The following ZNRF2 variants were observed in gnomAD, a reference collection of about 807,000 sequenced individuals.
ZNRF2 encodes zinc and ring finger 2, also known as E3 ubiquitin-protein ligase ZNRF2.
Under a neutral mutation model 20.4 loss-of-function variants are expected in ZNRF2, and 16 were observed. The observed-to-expected ratio is 0.79, with a 90% confidence interval of 0.53 to 1.19. The LOEUF (loss-of-function observed/expected upper bound fraction) is 1.19. Ranked by LOEUF, ZNRF2 falls within the 50% of genes most tolerant of loss-of-function variation. ZNRF2 has a pLI of 0.00. For synonymous variants in ZNRF2, 178 were observed against 144.9 expected (o/e 1.23, Z -1.64); for missense variants, 363 against 332.4 (o/e 1.09, Z -0.72).
intron 1 of ZNRF2, among the ~76,000 whole-genome samples, chr7:30,299,493 A>T (rs572239555): frequency 6.6e-6 from 1 of 151,710 alleles, no homozygotes; most frequent in Non-Finnish European, 1.5e-5. Flanking sequence ...AACATGTTCA[A>T]TTAGTCCTCT....
intron 2 of ZNRF2, among the ~76,000 whole-genome samples, chr7:30,326,346 T>C (rs1799551664): frequency 6.6e-6 from 1 of 152,204 alleles, no homozygotes; most frequent in Non-Finnish European, 1.5e-5. Context: ...GTCCATGTGC[T>C]CTCATCATTT....
At chr7:30,328,092 T>C (rs1029092319) in intron 2 of ZNRF2, among the ~76,000 whole-genome samples, 17 of 152,208 alleles carry the variant, frequency 1.1e-4, no homozygotes, top group Non-Finnish European at 1.0e-4. Context: ...TAATGTACTT[T>C]CCTATCATAG....
At chr7:30,302,291 G>A (rs1047161237) in intron 1 of ZNRF2, among the ~76,000 whole-genome samples, 1 of 152,174 alleles carries the variant, frequency 6.6e-6, no homozygotes, top group Non-Finnish European at 1.5e-5. Flanking sequence ...TTAAAATTGA[G>A]CATAGAGGAA....
At chr7:30,332,140 A>G (rs1016563573) in intron 2 of ZNRF2, among the ~76,000 whole-genome samples, 2 of 152,174 alleles carry the variant, frequency 1.3e-5, no homozygotes, top group Non-Finnish European at 2.9e-5. Context: ...CTGTCACTTA[A>G]TAGGAGTGTA....
At chr7:30,355,008 A>G (rs1232832380) in intron 2 of ZNRF2, among the ~76,000 whole-genome samples, 1 of 152,162 alleles carries the variant, frequency 6.6e-6, no homozygotes, top group Non-Finnish European at 1.5e-5. Context: ...TTTGCATTAT[A>G]AAGAGATTTA....
intron 1 of ZNRF2, among the ~76,000 whole-genome samples, chr7:30,315,890 A>G (rs563678530): frequency 1.6e-4 from 25 of 152,278 alleles, no homozygotes; most frequent in African/African-American, 5.3e-4. Context: ...GTGTCATGAG[A>G]GGCACACTAA....
In ZNRF2 at chr7:30,301,576, A is replaced by G. The variant is rs1284564259; in HGVS notation, c.469+15750A>G. 3.3e-5 allele frequency among the ~76,000 whole-genome samples: 5 copies of G among 152,092 alleles called. No individual in the cohort carries two copies. The East Asian group carries it at 5.8e-4, about 18-fold the overall frequency. On this transcript the variant is annotated intron_variant, in intron 1 of 4. Coordinates refer to ENST00000323037, the MANE Select transcript of ZNRF2 (RefSeq NM_147128.4). ...GCTGCATTCACTTTTGATACATTAA[A>G]TATTTTTGGAAGAGGCACTGGGCAT...
intron 1 of ZNRF2, among the ~76,000 whole-genome samples, chr7:30,301,722 A>G (rs1487682765): frequency 1.3e-5 from 2 of 149,282 alleles, no homozygotes; most frequent in African/African-American, 5.1e-5. Context: ...AAAAAAAAAA[A>G]ACTTATCTTT....
chr7:30,364,929 C>T (rs895007510), intron 4 of ZNRF2, among the ~76,000 whole-genome samples: 1 of 152,074 alleles, frequency 6.6e-6, no homozygotes, highest in African/African-American at 2.4e-5. Flanking sequence ...GATGAGGGCT[C>T]ATTGCTCATT....
At position 30,285,436 on chromosome 7, in the gene ZNRF2, A is replaced by G; in HGVS notation, c.79A>G (p.Ser27Gly). ...AYSGSDLPSS[S>G]SGGANGTAGG... The stretch of plus-strand genomic sequence containing the variant: ...CTCGGGCTCGGATCTACCTTCCAGT[A>G]GCAGCGGAGGCGCCAATGGGACCGC... The change falls in exon 1 of 5, where the codon AGC becomes GGC. Residue 27 changes from serine to glycine, a missense_variant. Around this residue, in one of 2 missense-constraint regions of ZNRF2, gnomAD observed 302 missense variants for 231.5 expected, o/e 1.30. Transcript: ENST00000323037. The G allele has an allele frequency of 8.3e-7, 1 of 1,199,168 alleles. No homozygotes were observed. The highest frequency in any genetic ancestry group is 1.0e-6 in the Non-Finnish European group (1 of 956,774). The allele number at this position is 1,199,168 out of a possible 1,614,324, so 74.3% of individuals were successfully genotyped here.
At chr7:30,322,039 T>TA (rs1562612356) in intron 1 of ZNRF2, among the ~76,000 whole-genome samples, 1 of 152,086 alleles carries the variant, frequency 6.6e-6, no homozygotes, top group African/African-American at 2.4e-5. Context: ...AAAAATCTCA[T>TA]AATGTTTTAA....
chr7:30,342,846 T>C (rs934730793), intron 2 of ZNRF2, among the ~76,000 whole-genome samples: 1 of 152,184 alleles, frequency 6.6e-6, no homozygotes, highest in African/African-American at 2.4e-5. Context: ...GTGTCTTTTT[T>C]AACTCAAAAG....
At chr7:30,313,671 A>G (rs1051359847) in intron 1 of ZNRF2, among the ~76,000 whole-genome samples, 1 of 152,152 alleles carries the variant, frequency 6.6e-6, no homozygotes, top group African/African-American at 2.4e-5. Context: ...GCCCCCGAGA[A>G]TATGGACTAA....
intron 2 of ZNRF2, among the ~76,000 whole-genome samples, chr7:30,344,711 A>G (rs757111175): frequency 2.0e-5 from 3 of 152,108 alleles, no homozygotes; most frequent in African/African-American, 4.8e-5. Context: ...GTTTTTTCAG[A>G]TGTCTCTTGG....
chr7:30,322,348 G>A (rs1021113852), intron 1 of ZNRF2, among the ~76,000 whole-genome samples: 1 of 152,204 alleles, frequency 6.6e-6, no homozygotes, highest in Admixed American at 6.5e-5. Context: ...TCATTTGGTT[G>A]CAGTGAGTTT....
At chr7:30,288,448 A>G (rs548228316) in intron 1 of ZNRF2, among the ~76,000 whole-genome samples, 2 of 152,298 alleles carry the variant, frequency 1.3e-5, no homozygotes, top group Admixed American at 6.5e-5. Flanking sequence ...GAAAATGAAA[A>G]ACAGTCCCCC....
rs955920027 is a variant in ZNRF2, at chr7:30,366,732, T to G, written c.*720T>G. The G allele has an allele frequency of 1.3e-5, 2 of 152,556 alleles. No homozygotes were observed. The highest frequency in any genetic ancestry group is 2.9e-5 in the Non-Finnish European group (2 of 67,990). 9.5% of individuals were successfully genotyped at this position (152,556 alleles called of 1,614,324 possible). ...TACATAATTACATTTTAATTAAATA[T>G]AGAATATTCTACTGAATTGCAATTT... On this transcript the variant is annotated 3_prime_UTR_variant, in exon 5 of 5. Coordinates refer to ENST00000323037, the MANE Select transcript of ZNRF2 (RefSeq NM_147128.4).
chr7:30,285,343 CG>C lies in ZNRF2; in HGVS notation c.-11del. On this transcript the variant is annotated 5_prime_UTR_variant, in exon 1 of 5. Transcript: ENST00000323037. ...CGGGGCGCAGCGCGCGGGCCCGGCCCGGGGCAGGGCGGACATGGGCGCCAAA... is the reference window on the plus strand; with the variant it reads ...CGGGGCGCAGCGCGCGGGCCCGGCCCGGGCAGGGCGGACATGGGCGCCAAA... 3 of 1,123,248 alleles carry C rather than the reference CG, an allele frequency of 2.7e-6. No homozygotes were observed. Among genetic ancestry groups the C allele is most frequent in the Non-Finnish European group, 2.2e-6 (2 of 919,978 alleles). 69.6% of individuals were successfully genotyped at this position (1,123,248 alleles called of 1,614,324 possible).
At chr7:30,291,976 C>G (rs1798919255) in intron 1 of ZNRF2, among the ~76,000 whole-genome samples, 1 of 151,712 alleles carries the variant, frequency 6.6e-6, no homozygotes, top group Admixed American at 6.6e-5. Flanking sequence ...TACCTGTTCA[C>G]TAGAGAAAAA....
Sources: allele counts gnomAD v4.1 joint callset (sites outside exome capture counted in the v4.1 genomes callset), GRCh38; gene constraint gnomAD v4.1.1; regional missense constraint gnomAD v4.1.1; transcripts MANE v1.5; gene names NCBI Gene and HGNC (gene_info 2026-07-23, HGNC 2026-07-21).